The following NOP58 variants were observed in gnomAD, a reference collection of about 807,000 sequenced individuals.
NOP58 encodes nucleolar protein 58.
A neutral mutation model predicts 71.2 loss-of-function variants in NOP58; 44 were observed. The observed-to-expected ratio is 0.62, with a 90% CI of 0.49 to 0.79. NOP58 has a LOEUF of 0.79. NOP58 is among the 30% of genes least tolerant of loss of function. The pLI, the probability that NOP58 is intolerant of heterozygous loss-of-function variation, is 0.00. For missense variants in NOP58, 538 were observed against 620.2 expected (o/e 0.87, Z 1.41); for synonymous variants, 228 against 200.3 (o/e 1.14, Z -1.17).
chr2:202,290,853 G>A (rs1688873875), intron 7 of NOP58, among the ~76,000 whole-genome samples: 1 of 151,844 alleles, frequency 6.6e-6, no homozygotes. Context: ...TTAAATTTTT[G>A]CCACTTATAT....
At chr2:202,282,236 A>T in intron 3 of NOP58, 115 bp from the exon 4 acceptor site, 1 of 744,270 alleles carries the variant, frequency 1.3e-6, no homozygotes, top group Non-Finnish European at 2.2e-6. Context: ...CAGAAGTAAC[A>T]TTAAATTCAA....
intron 5 of NOP58, among the ~76,000 whole-genome samples, chr2:202,287,458 T>C (rs529835408): frequency 4.0e-5 from 6 of 150,302 alleles, no homozygotes; most frequent in South Asian, 2.1e-4. Context: ...GCAGCACATA[T>C]AGTTTTTTTT....
intron 2 of NOP58, 78 bp from the exon 3 acceptor site, chr2:202,277,872 T>G (rs1574378873): frequency 1.3e-6 from 1 of 775,252 alleles, no homozygotes; most frequent in Non-Finnish European, 2.2e-6. Flanking sequence ...AGTCAAGCAC[T>G]TCTTTCCAAG....
intron 12 of NOP58, among the ~76,000 whole-genome samples, chr2:202,298,976 T>C (rs1689042438): frequency 6.8e-6 from 1 of 146,412 alleles, no homozygotes; most frequent in Non-Finnish European, 1.5e-5. Flanking sequence ...TTTTTTTTTT[T>C]TTTTGAGACA....
Position 202,271,668 on chromosome 2 carries a change from C to T in NOP58, c.46-3445C>T, listed in dbSNP as rs534444850. On this transcript the variant is annotated intron_variant, in intron 1 of 14. Coordinates refer to ENST00000264279, the MANE Select transcript of NOP58 (RefSeq NM_015934.5). ...TATTTAAAAAACCAGCTGGATCAGG[C>T]GCCATGGTTCCTTCCTGCACTCCCA... Among the ~76,000 whole-genome samples the T allele has an allele frequency of 9.9e-5, 15 of 152,178 alleles. 1 individual carries two copies. The South Asian group carries it at 2.7e-3, about 27-fold the overall frequency.
At chr2:202,276,016 T>TC (rs1310526349) in intron 2 of NOP58, among the ~76,000 whole-genome samples, 1 of 152,134 alleles carries the variant, frequency 6.6e-6, no homozygotes, top group Non-Finnish European at 1.5e-5. Flanking sequence ...ACTAGTATGT[T>TC]CCCTTACCAG....
At position 202,299,654 on chromosome 2, in the gene NOP58, T is replaced by C. The variant is rs192106827; in HGVS notation, c.1269-580T>C. 5.5e-4 allele frequency among the ~76,000 whole-genome samples: 84 copies of C among 151,466 alleles called. No individual in the cohort carries two copies. The East Asian group carries it at 0.014, about 25-fold the overall frequency. On this transcript the variant is annotated intron_variant, in intron 12 of 14. Coordinates refer to ENST00000264279, the MANE Select transcript of NOP58 (RefSeq NM_015934.5). Reference sequence around the variant, plus strand: ...ATTAGTACTTTTTACTTTAAACATATGCACTTAAAGCATCCATTCACATTT... The same window carrying C: ...ATTAGTACTTTTTACTTTAAACATACGCACTTAAAGCATCCATTCACATTT...
chr2:202,299,383 T>A (rs1689052204), intron 12 of NOP58, among the ~76,000 whole-genome samples: 1 of 152,238 alleles, frequency 6.6e-6, no homozygotes, highest in African/African-American at 2.4e-5. Context: ...AAATCAAATG[T>A]GTTTCTGTGG....
intron 1 of NOP58, among the ~76,000 whole-genome samples, chr2:202,272,882 C>T (rs961484221): frequency 6.6e-6 from 1 of 152,148 alleles, no homozygotes; most frequent in Admixed American, 6.5e-5. Flanking sequence ...CGCCTGTAAT[C>T]CCAACACTTT....
At chr2:202,274,286 C>T (rs950850396) in intron 1 of NOP58, among the ~76,000 whole-genome samples, 6 of 151,802 alleles carry the variant, frequency 4.0e-5, no homozygotes, top group Admixed American at 2.0e-4. Context: ...GGAGTGCAGT[C>T]GCGCAATCTC....
Position 202,292,928 on chromosome 2 carries a change from AAT to A in NOP58, c.907+28_907+29del, listed in dbSNP as rs1688928439. On this transcript the variant is annotated intron_variant, in intron 9 of 14. Coordinates refer to ENST00000264279, the MANE Select transcript of NOP58 (RefSeq NM_015934.5). The stretch of plus-strand genomic sequence containing the variant: ...GGTGATGGTTTTAATGTAATTTGTA[AAT>A]ATGAGTGTTTGAAGTATTTTCTGGT... The A allele has an allele frequency of 4.3e-6, 7 of 1,612,836 alleles. No individual in the cohort carries two copies. The East Asian group carries it at 8.9e-5, about 21-fold the overall frequency.
At chr2:202,268,031 GACAT>G (rs1181276515) in intron 1 of NOP58, among the ~76,000 whole-genome samples, 4 of 152,228 alleles carry the variant, frequency 2.6e-5, no homozygotes, top group South Asian at 4.1e-4. Context: ...GAGTATAAAA[GACAT>G]ACAAACGTTC....
chr2:202,281,308 G>C (rs1477395369), intron 3 of NOP58, among the ~76,000 whole-genome samples: 1 of 151,776 alleles, frequency 6.6e-6, no homozygotes, highest in Non-Finnish European at 1.5e-5. Context: ...TGTATTTTTA[G>C]TAGAGTGTTT....
At chr2:202,292,613 G>A (rs992665442) in intron 8 of NOP58, among the ~76,000 whole-genome samples, 164 bp from the exon 9 acceptor site, 4 of 151,680 alleles carry the variant, frequency 2.6e-5, no homozygotes, top group African/African-American at 9.7e-5. Context: ...GCTCCAGCCT[G>A]GGAAAAAAAA....
At position 202,291,144 on chromosome 2, in the gene NOP58, C is replaced by T. The variant is rs951382352; in HGVS notation, c.654C>T (p.Ala218=). Residue 218 remains alanine (A), a synonymous_variant, in exon 8 of 15, where the codon GCC becomes GCT. Transcript: ENST00000264279. ...LQKVGDRKNY[A]SAKLSELLPE... Reference sequence around the variant, plus strand: ...CCATAGGCGATAGGAAGAACTATGCCTCTGCCAAGCTTTCTGAGTTGCTGC... The same window carrying T: ...CCATAGGCGATAGGAAGAACTATGCTTCTGCCAAGCTTTCTGAGTTGCTGC... 3.1e-6 allele frequency: 5 copies of T among 1,609,890 alleles called. No homozygotes were observed. The highest frequency in any genetic ancestry group is 4.2e-6 in the Non-Finnish European group (5 of 1,178,896).
At chr2:202,301,969 G>A (rs1423256422) in intron 13 of NOP58, among the ~76,000 whole-genome samples, 7 of 151,452 alleles carry the variant, frequency 4.6e-5, no homozygotes, top group East Asian at 3.9e-4. Flanking sequence ...ATAGGGAAAC[G>A]AATATTTTTG....
At chr2:202,287,407 TCATA>T (rs534922772) in intron 5 of NOP58, among the ~76,000 whole-genome samples, 9 of 152,086 alleles carry the variant, frequency 5.9e-5, no homozygotes, top group African/African-American at 1.7e-4. Flanking sequence ...TATTTGTCAT[TCATA>T]CATAAACTCA....
Position 202,287,612 on chromosome 2 carries a change from C to A in NOP58, c.435-48C>A, listed in dbSNP as rs1285452453. ...AAACTTTAAGGTGTTAATTTAAATG[C>A]TTTTCCTAGATGCTATCTTGCTAAT... On this transcript the variant is annotated intron_variant, in intron 5 of 14. Transcript: ENST00000264279. The A allele has an allele frequency of 4.2e-6, 6 of 1,440,118 alleles. No individual in the cohort carries two copies. In the South Asian group the frequency reaches 5.8e-5, roughly 14 times the overall value. 89.2% of individuals were successfully genotyped at this position (1,440,118 alleles called of 1,614,324 possible). A position where few individuals can be genotyped will look rare whatever the true frequency, so the allele number is the denominator to read the frequency against.
chr2:202,303,391 A>G lies in NOP58; in HGVS notation c.1545A>G (p.Pro515=), dbSNP rs1689125286. 6.2e-7 allele frequency: 1 copy of G among 1,612,874 alleles called. No homozygotes were observed. Among genetic ancestry groups the G allele is most frequent in the Admixed American group, 1.7e-5 (1 of 59,932 alleles). The change falls in exon 15 of 15, where the codon CCA becomes CCG. Residue 515 remains proline (P), a synonymous_variant. Coordinates refer to ENST00000264279, the MANE Select transcript of NOP58 (RefSeq NM_015934.5). ...TTCTTGTTGGCTATTTTCAGAGTCC[A>G]GAGAAAAAGAAGAAAAAGAAAAAAA... The part of the protein sequence containing the change: ...EPCTSTAIAS[P]EKKKKKKKKR...
Sources: gnomAD v4.1 joint callset for allele counts (sites outside exome capture counted in the v4.1 genomes callset) on GRCh38, gnomAD v4.1.1 for gene constraint, MANE v1.5 for transcripts, NCBI Gene and HGNC (gene_info 2026-07-23, HGNC 2026-07-21) for gene names.